The following RGS6 variants were observed in gnomAD, a reference collection of about 807,000 sequenced individuals.
RGS6 encodes regulator of G protein signaling 6, also known as regulator of G-protein signaling 6.
In RGS6, 30 loss-of-function variants were observed where a neutral mutation model predicts 78.5. The observed-to-expected ratio is 0.38, with a 90% CI of 0.29 to 0.52. RGS6 has a LOEUF of 0.52. RGS6 is among the 20% of genes least tolerant of loss of function. RGS6 has a pLI of 0.85. For synonymous variants in RGS6, 206 were observed against 206.0 expected, an observed-to-expected ratio of 1.00 and a Z score of 0.00; for missense variants, 495 against 609.7, an observed-to-expected ratio of 0.81 and a Z score of 1.98.
At chr14:72,339,172 A>G (rs2076542992) in intron 2 of RGS6, among the ~76,000 whole-genome samples, 1 of 152,024 alleles carries the variant, frequency 6.6e-6, no homozygotes, top group South Asian at 2.1e-4. Flanking sequence ...CCAATGTGAT[A>G]CTGTTAAGGG....
At chr14:72,281,572 G>A (rs549079187) in intron 2 of RGS6, among the ~76,000 whole-genome samples, 4 of 118,422 alleles carry the variant, frequency 3.4e-5, no homozygotes, top group Non-Finnish European at 7.7e-5. Context: ...AAAAGGGGGT[G>A]ATGGGATCGA....
chr14:72,202,862 G>T (rs1204159565), intron 2 of RGS6, among the ~76,000 whole-genome samples: 1 of 151,824 alleles, frequency 6.6e-6, no homozygotes, highest in East Asian at 2.0e-4. Context: ...GATGGATCCT[G>T]TTTTTTGTTT....
In RGS6 at chr14:72,083,601, G is replaced by A. The variant is rs532680160; in HGVS notation, c.84+118726G>A. 3.9e-5 allele frequency among the ~76,000 whole-genome samples: 6 copies of A among 152,274 alleles called. No individual in the cohort carries two copies. The East Asian group carries it at 1.2e-3, about 29-fold the overall frequency. On this transcript the variant is annotated intron_variant, in intron 2 of 17. Transcript: ENST00000553525. ...CCATGACGTCCCTCGGATGGAGCTG[G>A]TCTTCTGAGCTGCTCAGAAAGGGAA...
In RGS6 at chr14:71,948,738, C is replaced by CTTTTTT. The variant is rs766352167; in HGVS notation, c.-21+15798_-21+15799insTTTTTT. On this transcript the variant is annotated intron_variant, in intron 1 of 17. Coordinates refer to ENST00000553525, the MANE Select transcript of RGS6 (RefSeq NM_001204424.2). ...AAGCTGATTTCCTTTCTCTCTCTCT[C>CTTTTTT]TCTTTTTTTTTTTTTTTTTTTTTTT... Among the ~76,000 whole-genome samples the CTTTTTT allele has an allele frequency of 5.3e-4, 40 of 75,216 alleles. 3 individuals carry two copies. The highest frequency in any genetic ancestry group is 1.8e-3 in the African/African-American group (27 of 15,136). 49.3% of individuals were successfully genotyped at this position (75,216 alleles called of 152,430 possible). A position where few individuals can be genotyped will look rare whatever the true frequency, so the allele number is the denominator to read the frequency against.
chr14:71,878,265 C>T, the RGS6 span, among the ~76,000 whole-genome samples: 35 of 152,338 alleles, frequency 2.3e-4, no homozygotes, highest in Middle Eastern at 0.024. Context: ...TTCAGCTATG[C>T]CCTGCCACCA....
chr14:71,918,485 C>T, the RGS6 span, among the ~76,000 whole-genome samples: 59 of 152,106 alleles, frequency 3.9e-4, no homozygotes, highest in Non-Finnish European at 2.6e-4. Flanking sequence ...AGAGACCCCT[C>T]AAAGAGAATG....
chr14:72,404,249 CT>C (rs2092723028), intron 3 of RGS6, among the ~76,000 whole-genome samples: 1 of 152,198 alleles, frequency 6.6e-6, no homozygotes, highest in Non-Finnish European at 1.5e-5. Flanking sequence ...AGAATCGGTT[CT>C]GTGGATCTTA....
chr14:72,295,148 G>A (rs1014690581), intron 2 of RGS6, among the ~76,000 whole-genome samples: 6 of 151,524 alleles, frequency 4.0e-5, no homozygotes, highest in African/African-American at 9.7e-5. Context: ...AAAATTAGCC[G>A]GGCGTAGTGG....
At chr14:72,402,570 G>C (rs1026916432) in intron 3 of RGS6, among the ~76,000 whole-genome samples, 3 of 152,018 alleles carry the variant, frequency 2.0e-5, no homozygotes, top group Non-Finnish European at 4.4e-5. Context: ...TCTCACCCCA[G>C]TTAGAACGGC....
chr14:72,528,970 T>A (rs570476823), intron 15 of RGS6, among the ~76,000 whole-genome samples: 1 of 152,208 alleles, frequency 6.6e-6, no homozygotes, highest in Admixed American at 6.5e-5. Flanking sequence ...CTCATTGCAT[T>A]TGGGAAATGG....
At chr14:72,619,483 C>G in the RGS6 span, 1 of 1,192,050 alleles carries the variant, frequency 8.4e-7, no homozygotes, top group Non-Finnish European at 1.2e-6. Flanking sequence ...ATGCAGAAAC[C>G]AAGTCCCAGG....
At chr14:71,930,110 C>T (rs7150767), upstream of RGS6, among the ~76,000 whole-genome samples, 2,989 of 152,222 alleles carry the variant, frequency 0.02, 84 homozygotes, top group African/African-American at 0.067. Context: ...CCTTCTCAGT[C>T]GACAAACCTA....
the RGS6 span, among the ~76,000 whole-genome samples, chr14:72,598,981 G>A: frequency 6.6e-6 from 1 of 151,750 alleles, no homozygotes; most frequent in Non-Finnish European, 1.5e-5. Context: ...CTGGGCATTG[G>A]GAGACCCAGT....
chr14:72,037,397 T>A (rs930452147), intron 2 of RGS6, among the ~76,000 whole-genome samples: 13 of 152,334 alleles, frequency 8.5e-5, no homozygotes, highest in African/African-American at 3.1e-4. Flanking sequence ...GGCTTCATTC[T>A]TGAAATCAGC....
At chr14:72,219,098 C>T (rs1324282738) in intron 2 of RGS6, among the ~76,000 whole-genome samples, 1 of 151,816 alleles carries the variant, frequency 6.6e-6, no homozygotes, top group Non-Finnish European at 1.5e-5. Context: ...GGATTCAGCC[C>T]TGTGCAGAAA....
chr14:72,124,675 A>C (rs999915048), intron 2 of RGS6, among the ~76,000 whole-genome samples: 1 of 152,242 alleles, frequency 6.6e-6, no homozygotes, highest in Non-Finnish European at 1.5e-5. Context: ...TATTATAGCT[A>C]TAGAAATCAA....
At chr14:72,618,899 G>T in the RGS6 span, among the ~76,000 whole-genome samples, 2 of 152,170 alleles carry the variant, frequency 1.3e-5, no homozygotes, top group African/African-American at 2.4e-5. Context: ...GCTGTGCCAA[G>T]ATTTCTTGGA....
chr14:71,957,857 C>T (rs1273074073), intron 1 of RGS6, among the ~76,000 whole-genome samples: 1 of 152,064 alleles, frequency 6.6e-6, no homozygotes, highest in African/African-American at 2.4e-5. Context: ...CCTCCAACTC[C>T]TGGGCTCAAG....
the RGS6 span, among the ~76,000 whole-genome samples, chr14:72,621,972 G>C: frequency 6.6e-6 from 1 of 152,214 alleles, no homozygotes. Context: ...CTGTTGAAGA[G>C]AGCAGGAGAG....
Sources: gnomAD v4.1 joint callset for allele counts (sites outside exome capture counted in the v4.1 genomes callset) on GRCh38, gnomAD v4.1.1 for gene constraint, MANE v1.5 for transcripts, NCBI Gene and HGNC (gene_info 2026-07-23, HGNC 2026-07-21) for gene names.